Variants in SREBF2 observed in about 807,000 individuals in gnomAD.
SREBF2 encodes sterol regulatory element-binding protein 2.
Under a neutral mutation model 113.1 loss-of-function variants are expected in SREBF2, and 55 were observed. That is an observed-to-expected ratio of 0.49 (90% CI 0.39 to 0.61). SREBF2 has a LOEUF of 0.61. Among genes scored for constraint, SREBF2 ranks in the 20% least tolerant of loss-of-function variants. SREBF2 has a pLI of 0.00. For synonymous variants in SREBF2, 593 were observed against 605.7 expected (o/e 0.98, Z 0.31); for missense variants, 1,349 against 1,487.4 (o/e 0.91, Z 1.53).
intron 1 of SREBF2, among the ~76,000 whole-genome samples, chr22:41,851,151 A>C (rs2076926299): frequency 6.6e-6 from 1 of 152,206 alleles, no homozygotes; most frequent in Admixed American, 6.5e-5. Context: ...GACATGAATG[A>C]ATTTAATTTC....
rs562505353 is a variant in SREBF2 at position 41,854,648 on chromosome 22, C to T, written c.89-12183C>T. Among the ~76,000 whole-genome samples, 18 of 151,682 alleles carry T rather than the reference C, an allele frequency of 1.2e-4. No homozygotes were observed. In the East Asian group the frequency reaches 3.5e-3, roughly 30 times the overall value. ...CTTTGGGAGGCTGAGGCGGGCAGAT[C>T]ACTTGAGGCCAGGAGTTCAAGACCA... On this transcript the variant is annotated intron_variant, in intron 1 of 18. Coordinates refer to ENST00000361204, the MANE Select transcript of SREBF2 (RefSeq NM_004599.4).
At chr22:41,889,555 C>T (rs2077335864) in intron 11 of SREBF2, among the ~76,000 whole-genome samples, 1 of 152,124 alleles carries the variant, frequency 6.6e-6, no homozygotes, top group Non-Finnish European at 1.5e-5. Context: ...AGTGGTAGCA[C>T]ACACCTGTGG....
intron 1 of SREBF2, among the ~76,000 whole-genome samples, chr22:41,849,945 T>TCAGGAGATCGA (rs11268671): frequency 1.3e-5 from 2 of 151,092 alleles, no homozygotes; most frequent in African/African-American, 4.9e-5. Flanking sequence ...GAGACCATCC[T>TCAGGAGATCGA]GACTAACATG....
intron 9 of SREBF2, chr22:41,878,782 C>T: frequency 7.8e-7 from 1 of 1,283,178 alleles, no homozygotes; most frequent in Non-Finnish European, 1.0e-6. Context: ...CTGCCCTCCC[C>T]ACCTCTGCAA....
In SREBF2 at chr22:41,833,424, G is replaced by C. The variant is rs940794243; in HGVS notation, c.88+66G>C. ...AGGAAGGGGTTACGGCGGCGCGCCC[G>C]GGTGCGCGTGCGCCCACCCCCCGAC... is the stretch of plus-strand genomic sequence containing the variant. On this transcript the variant is annotated intron_variant, in intron 1 of 18. Coordinates refer to ENST00000361204, the MANE Select transcript of SREBF2 (RefSeq NM_004599.4). This position sits in a 1 kb window ranked among gnomAD's most constrained non-coding sequence, Gnocchi z 4.1. The C allele has an allele frequency of 5.7e-5, 81 of 1,410,336 alleles. 1 individual carries two copies. In the South Asian group the frequency reaches 1.0e-3, roughly 17 times the overall value. The allele number at this position is 1,410,336 out of a possible 1,614,324, so 87.4% of individuals were successfully genotyped here. A position where few individuals can be genotyped will look rare whatever the true frequency, so the allele number is the denominator to read the frequency against.
chr22:41,877,919 T>G, intron 8 of SREBF2, 23 bp from the exon 9 acceptor site: 1 of 1,614,198 alleles, frequency 6.2e-7, no homozygotes, highest in Non-Finnish European at 8.5e-7. Context: ...CCTAGCAGAC[T>G]CTGCTGAGAC....
chr22:41,847,199 G>C (rs1001364491), intron 1 of SREBF2, among the ~76,000 whole-genome samples: 1 of 152,214 alleles, frequency 6.6e-6, no homozygotes, highest in Non-Finnish European at 1.5e-5. Flanking sequence ...AAAAGGTTGA[G>C]ATCTCTTGCT....
intron 4 of SREBF2, among the ~76,000 whole-genome samples, chr22:41,871,634 G>A (rs1384356471): frequency 6.6e-6 from 1 of 152,210 alleles, no homozygotes; most frequent in Non-Finnish European, 1.5e-5. Flanking sequence ...GCTCACGCCT[G>A]TAATCTCAGC....
intron 1 of SREBF2, among the ~76,000 whole-genome samples, chr22:41,859,799 C>CTTTTTTT (rs1174473976): frequency 5.2e-4 from 28 of 54,366 alleles, no homozygotes; most frequent in East Asian, 7.2e-4. Context: ...TATGGTGATT[C>CTTTTTTT]TTTTTTTTTT....
chr22:41,877,873 G>T (rs1053824907), intron 8 of SREBF2, 69 bp from the exon 9 acceptor site: 1 of 1,515,750 alleles, frequency 6.6e-7, no homozygotes, highest in African/African-American at 1.4e-5. Context: ...ATAGTGCTGG[G>T]GTCTGTCAGG....
chr22:41,842,881 G>A (rs1221540691), intron 1 of SREBF2, among the ~76,000 whole-genome samples: 5 of 151,980 alleles, frequency 3.3e-5, no homozygotes, highest in African/African-American at 4.8e-5. Flanking sequence ...TCCCAGCTAC[G>A]TGGGAGGCTG....
chr22:41,835,206 G>T (rs1276435605), intron 1 of SREBF2, among the ~76,000 whole-genome samples: 2 of 152,032 alleles, frequency 1.3e-5, no homozygotes, highest in Non-Finnish European at 2.9e-5. Context: ...CTGTCACCCA[G>T]GCTGGAATGC....
At chr22:41,899,219 T>TA in intron 15 of SREBF2, 1 of 1,086,684 alleles carries the variant, frequency 9.2e-7, no homozygotes, top group Admixed American at 4.5e-5. Flanking sequence ...GCTAGCATTT[T>TA]ATCCACTTTC....
chr22:41,857,904 A>C (rs533889707), intron 1 of SREBF2, among the ~76,000 whole-genome samples: 3 of 152,330 alleles, frequency 2.0e-5, no homozygotes, highest in Non-Finnish European at 4.4e-5. Flanking sequence ...GAAAGAGCCC[A>C]GTTCCTCAGC....
intron 10 of SREBF2, among the ~76,000 whole-genome samples, 169 bp from the exon 11 acceptor site, chr22:41,884,673 A>T (rs1205454590): frequency 1.3e-5 from 2 of 152,190 alleles, no homozygotes. Context: ...ACACACAGCC[A>T]GTATATCACA....
rs372209936 is a variant in SREBF2, at chr22:41,897,154, C to T, written c.2598C>T (p.Ser866=). ...TCTCCAGGAGCTCCGTGCTCAAGTC[C>T]GCCCTGGGTAAGCACCTGCGGGTGG... ...PPLSRSSVLK[S]ALGPDIICRW... The change falls in exon 14 of 19, where the codon TCC becomes TCT. Residue 866 remains serine (S), a synonymous_variant. Coordinates refer to ENST00000361204, the MANE Select transcript of SREBF2 (RefSeq NM_004599.4). The T allele has an allele frequency of 3.3e-5, 53 of 1,610,018 alleles. No homozygotes were observed. Among genetic ancestry groups the T allele is most frequent in the South Asian group, 5.5e-5 (5 of 90,672 alleles).
Position 41,903,128 on chromosome 22 carries a change from A to G in SREBF2, c.3066A>G (p.Ala1022=). 4 of 1,557,982 alleles carry G rather than the reference A, an allele frequency of 2.6e-6. No individual in the cohort carries two copies. The highest frequency in any genetic ancestry group is 1.7e-4 in the Middle Eastern group (1 of 5,956). The change falls in exon 17 of 19, where the codon GCA becomes GCG. Residue 1022 remains alanine, a synonymous_variant. Transcript: ENST00000361204. ...ACCTGGGCAGCCTGCGCAGGCTGGCACACAGCTTCCGCCCAGCATACCGCA... is the reference window on the plus strand; with the variant it reads ...ACCTGGGCAGCCTGCGCAGGCTGGCGCACAGCTTCCGCCCAGCATACCGCA... ...QRDLGSLRRL[A]HSFRPAYRKV...
intron 12 of SREBF2, among the ~76,000 whole-genome samples, chr22:41,894,390 C>A (rs1420316178): frequency 6.6e-6 from 1 of 152,216 alleles, no homozygotes. Context: ...TCTGGAAAAA[C>A]CGGAGCATGT....
intron 9 of SREBF2, among the ~76,000 whole-genome samples, chr22:41,880,386 T>C (rs1003703981): frequency 1.9e-4 from 21 of 112,884 alleles, no homozygotes; most frequent in Non-Finnish European, 3.7e-4. Flanking sequence ...ACCCTGTCTC[T>C]ACTAAAAATA....
Sources: allele counts gnomAD v4.1 joint callset (sites outside exome capture counted in the v4.1 genomes callset), GRCh38; gene constraint gnomAD v4.1.1; non-coding constraint Gnocchi (gnomAD v3.1); transcripts MANE v1.5; gene names NCBI Gene and HGNC (gene_info 2026-07-23, HGNC 2026-07-21).